ZNF385D: variants seen among roughly 807,000 people sequenced by gnomAD.
ZNF385D encodes zinc finger protein 659.
In ZNF385D, 15 loss-of-function variants were observed where a neutral mutation model predicts 35.8. That is an observed-to-expected ratio of 0.42 (90% CI 0.28 to 0.64). The LOEUF is 0.64. Ranked by LOEUF, ZNF385D falls within the 30% of genes least tolerant of loss-of-function variation. The probability of loss-of-function intolerance (pLI) is 0.23; values close to 1 mark genes in which losing one functional copy is unlikely to be tolerated. For synonymous variants in ZNF385D, 212 were observed against 186.8 expected, an observed-to-expected ratio of 1.13 and a Z score of -1.10; for missense variants, 474 against 494.6, an observed-to-expected ratio of 0.96 and a Z score of 0.39.
chr3:22,319,417 AATT>A (rs1704074446), intron 2 of ZNF385D, among the ~76,000 whole-genome samples: 1 of 151,974 alleles, frequency 6.6e-6, no homozygotes, highest in Non-Finnish European at 1.5e-5. Context: ...GTTTTTATAT[AATT>A]ATAAAATGTG....
chr3:21,501,522 T>C lies in ZNF385D; in HGVS notation c.439+9339A>G, dbSNP rs549643037. Among the ~76,000 whole-genome samples the C allele has an allele frequency of 3.9e-4, 59 of 152,376 alleles. 3 individuals carry two copies. In the South Asian group the frequency reaches 0.012, roughly 30 times the overall value. On this transcript the variant is annotated intron_variant, in intron 4 of 7. Coordinates refer to ENST00000281523, the MANE Select transcript of ZNF385D (RefSeq NM_024697.3). The stretch of plus-strand genomic sequence containing the variant: ...GACTGCAAGAAATGTACTATTTGCA[T>C]GTTTTGTTTCACATTTCATGTCTAT...
chr3:21,546,771 C>T (rs2062386734), intron 3 of ZNF385D, among the ~76,000 whole-genome samples: 1 of 151,936 alleles, frequency 6.6e-6, no homozygotes, highest in Non-Finnish European at 1.5e-5. Flanking sequence ...GTCTAGGGAA[C>T]TCCAAGGCTA....
chr3:22,119,151 T>C (rs2125660876), intron 3 of ZNF385D, among the ~76,000 whole-genome samples: 1 of 152,294 alleles, frequency 6.6e-6, no homozygotes, highest in Admixed American at 6.5e-5. Context: ...ACCACCCGCC[T>C]GATGAACTTT....
At chr3:22,114,860 T>C (rs1702728597) in intron 3 of ZNF385D, among the ~76,000 whole-genome samples, 1 of 152,028 alleles carries the variant, frequency 6.6e-6, no homozygotes, top group South Asian at 2.1e-4. Flanking sequence ...GATTAAGACA[T>C]TCATAAAAGA....
intron 3 of ZNF385D, among the ~76,000 whole-genome samples, chr3:21,785,486 C>G (rs1447524362): frequency 6.6e-6 from 1 of 152,120 alleles, no homozygotes; most frequent in African/African-American, 2.4e-5. Context: ...ACTACAGGTA[C>G]AGTGTTGTGC....
At chr3:21,422,001 G>A (rs1298542754) in intron 7 of ZNF385D, among the ~76,000 whole-genome samples, 7 of 152,034 alleles carry the variant, frequency 4.6e-5, no homozygotes, top group African/African-American at 1.7e-4. Context: ...ATTTTGACAC[G>A]TTCCACTTTT....
chr3:22,235,940 C>A (rs1187715929), intron 2 of ZNF385D, among the ~76,000 whole-genome samples: 2 of 152,122 alleles, frequency 1.3e-5, no homozygotes, highest in Middle Eastern at 3.4e-3. Context: ...ACTGCACATG[C>A]ACTTTAACTC....
At chr3:21,886,564 A>G (rs1698558094) in intron 3 of ZNF385D, among the ~76,000 whole-genome samples, 1 of 152,068 alleles carries the variant, frequency 6.6e-6, no homozygotes, top group Admixed American at 6.6e-5. Context: ...TGGACGGCTC[A>G]GAAAAACCAC....
rs367553175 is a variant in ZNF385D at position 21,625,493 on chromosome 3, T to G, written c.165+39393A>C. 9.2e-5 allele frequency among the ~76,000 whole-genome samples: 14 copies of G among 152,068 alleles called. No homozygotes were observed. In the East Asian group the frequency reaches 1.2e-3, roughly 13 times the overall value. ...ATACTTAGCAACATTTTTCTTTTCCTTCACTGATGGCTATAGAAACACACA... is the reference window on the plus strand; with the variant it reads ...ATACTTAGCAACATTTTTCTTTTCCGTCACTGATGGCTATAGAAACACACA... On this transcript the variant is annotated intron_variant, in intron 2 of 7. Coordinates refer to ENST00000281523, the MANE Select transcript of ZNF385D (RefSeq NM_024697.3).
intron 2 of ZNF385D, among the ~76,000 whole-genome samples, chr3:22,298,559 A>G (rs116118534): frequency 0.027 from 3,894 of 144,976 alleles, 86 homozygotes; most frequent in Non-Finnish European, 0.038. Context: ...ATATACACAC[A>G]TACACACACA....
chr3:22,015,132 A>T (rs1696807240), intron 3 of ZNF385D, among the ~76,000 whole-genome samples: 1 of 152,148 alleles, frequency 6.6e-6, no homozygotes, highest in Non-Finnish European at 1.5e-5. Flanking sequence ...ATAGAATAAG[A>T]TACTAAAGAA....
intron 2 of ZNF385D, among the ~76,000 whole-genome samples, chr3:21,656,145 T>C (rs2066065588): frequency 6.6e-6 from 1 of 152,032 alleles, no homozygotes. Flanking sequence ...TAGGCCTATA[T>C]ACTTTCACTG....
chr3:22,255,014 C>G (rs115489028), intron 2 of ZNF385D, among the ~76,000 whole-genome samples: 38 of 151,886 alleles, frequency 2.5e-4, no homozygotes, highest in African/African-American at 8.7e-4. Flanking sequence ...TCACATTATT[C>G]AGAACAATGT....
At chr3:21,636,729 C>A (rs529089646) in intron 2 of ZNF385D, among the ~76,000 whole-genome samples, 22 of 151,862 alleles carry the variant, frequency 1.4e-4, no homozygotes, top group South Asian at 6.2e-4. Flanking sequence ...TTTGGCAACA[C>A]CCTCGCAGAC....
At chr3:21,537,857 C>T (rs1269527543) in intron 3 of ZNF385D, among the ~76,000 whole-genome samples, 2 of 152,184 alleles carry the variant, frequency 1.3e-5, no homozygotes, top group South Asian at 2.1e-4. Context: ...AGAAAAGCCA[C>T]CTGCTCTTGG....
chr3:22,153,769 C>T (rs138633707), intron 3 of ZNF385D, among the ~76,000 whole-genome samples: 1,740 of 152,128 alleles, frequency 0.011, 16 homozygotes, highest in South Asian at 0.023. Flanking sequence ...TTTTTAGCAA[C>T]GGACTCTGCA....
intron 1 of ZNF385D, among the ~76,000 whole-genome samples, chr3:21,667,641 C>T (rs2066447447): frequency 1.3e-5 from 2 of 152,146 alleles, no homozygotes; most frequent in Non-Finnish European, 2.9e-5. Context: ...CAGAAAATAC[C>T]ATGCTTATAA....
At chr3:22,284,189 GTTTGTTTTTGTT>G (rs77540688) in intron 2 of ZNF385D, among the ~76,000 whole-genome samples, 2 of 150,454 alleles carry the variant, frequency 1.3e-5, no homozygotes, top group Non-Finnish European at 3.0e-5. Flanking sequence ...TTGTTTGTTT[GTTTGTTTTTGTT>G]TTTGTTTTTG....
chr3:21,603,701 A>T (rs2064389513), intron 2 of ZNF385D, among the ~76,000 whole-genome samples: 1 of 152,226 alleles, frequency 6.6e-6, no homozygotes, highest in African/African-American at 2.4e-5. Context: ...CAAAAAAAGT[A>T]CAAGTAGTAA....
Sources: allele counts gnomAD v4.1 joint callset (sites outside exome capture counted in the v4.1 genomes callset), GRCh38; gene constraint gnomAD v4.1.1; transcripts MANE v1.5; gene names NCBI Gene and HGNC (gene_info 2026-07-23, HGNC 2026-07-21).